The following RPTOR variants were observed in gnomAD, a reference collection of about 807,000 sequenced individuals.
RPTOR encodes regulatory-associated protein of mTOR.
In RPTOR, 21 loss-of-function variants were observed where a neutral mutation model predicts 169.9. The observed-to-expected ratio is 0.12, with a 90% CI of 0.09 to 0.18. The LOEUF (loss-of-function observed/expected upper bound fraction) is 0.18, where lower values mean the gene tolerates loss of function less well. RPTOR is among the 10% of genes least tolerant of loss of function. RPTOR has a pLI of 1.00. For missense variants in RPTOR, 1,133 were observed against 1,855.9 expected (o/e 0.61, Z 7.16); for synonymous variants, 732 against 753.2 (o/e 0.97, Z 0.46).
At chr17:80,623,867 T>A (rs1488384863) in intron 1 of RPTOR, among the ~76,000 whole-genome samples, 1 of 152,078 alleles carries the variant, frequency 6.6e-6, no homozygotes, top group Admixed American at 6.6e-5. Context: ...ACATTCGAAT[T>A]ATTTTCTTTA....
intron 5 of RPTOR, among the ~76,000 whole-genome samples, chr17:80,738,203 C>T (rs892194067): frequency 2.6e-5 from 4 of 152,216 alleles, no homozygotes; most frequent in Non-Finnish European, 5.9e-5. Context: ...AGCCCGGCCC[C>T]GTGTACCTGG....
intron 23 of RPTOR, among the ~76,000 whole-genome samples, chr17:80,925,154 C>T (rs898271232): frequency 6.6e-6 from 1 of 152,220 alleles, no homozygotes; most frequent in East Asian, 1.9e-4. Context: ...GTGGCTCACA[C>T]TTCACAGCCC....
At chr17:80,598,328 C>T (rs2143436043) in intron 1 of RPTOR, among the ~76,000 whole-genome samples, 1 of 152,226 alleles carries the variant, frequency 6.6e-6, no homozygotes, top group Middle Eastern at 3.4e-3. Flanking sequence ...ATTAATGGCT[C>T]TGACAACTTA....
At chr17:80,849,797 C>A (rs1045974273) in intron 11 of RPTOR, among the ~76,000 whole-genome samples, 2 of 152,192 alleles carry the variant, frequency 1.3e-5, no homozygotes, top group African/African-American at 4.8e-5. Flanking sequence ...GGATTACAGG[C>A]GTGAACGACC....
At position 80,754,973 on chromosome 17, in the gene RPTOR, T is replaced by C. The variant is rs182513787; in HGVS notation, c.830+788T>C. On this transcript the variant is annotated intron_variant, in intron 6 of 33. Transcript: ENST00000306801. This position sits in a 1 kb window ranked among gnomAD's most constrained non-coding sequence, Gnocchi z 4.2. ...GGCTTCTGTCAAGATGGCCTAACAC[T>C]CTAGACAAGTCTCCTGCCTTCTCAC... Among the ~76,000 whole-genome samples, 2 of 152,070 alleles carry C rather than the reference T, an allele frequency of 1.3e-5. No individual in the cohort carries two copies. The highest frequency in any genetic ancestry group is 4.8e-5 in the African/African-American group (2 of 41,400).
In RPTOR at chr17:80,545,527, C is replaced by A; in HGVS notation, c.-103C>A. ...TTTATCCATTTGGTTTTCGATTTCC[C>A]GTTTTTGTTTCTTATTTCACCAATT... On this transcript the variant is annotated 5_prime_UTR_variant, in exon 1 of 34. Coordinates refer to ENST00000306801, the MANE Select transcript of RPTOR (RefSeq NM_020761.3). 1 of 914,418 alleles carries A rather than the reference C, an allele frequency of 1.1e-6. No individual in the cohort carries two copies. The highest frequency in any genetic ancestry group is 1.7e-6 in the Non-Finnish European group (1 of 596,284). 56.6% of individuals were successfully genotyped at this position (914,418 alleles called of 1,614,324 possible).
intron 5 of RPTOR, among the ~76,000 whole-genome samples, chr17:80,741,539 T>G (rs1258207416): frequency 6.6e-6 from 1 of 152,144 alleles, no homozygotes; most frequent in Non-Finnish European, 1.5e-5. Context: ...AGGAGGACCA[T>G]GAGGCTGGAG....
intron 3 of RPTOR, among the ~76,000 whole-genome samples, chr17:80,650,052 A>G (rs2065627924): frequency 6.6e-6 from 1 of 152,264 alleles, no homozygotes. Context: ...CGAATACCTT[A>G]GTGACATGAC....
At chr17:80,912,194 G>A (rs1431377252) in intron 21 of RPTOR, among the ~76,000 whole-genome samples, 1 of 152,156 alleles carries the variant, frequency 6.6e-6, no homozygotes, top group Non-Finnish European at 1.5e-5. Flanking sequence ...TAGAATTGAT[G>A]GCCAGTTCGC....
At chr17:80,546,845 G>T (rs766112282) in intron 1 of RPTOR, among the ~76,000 whole-genome samples, 1 of 152,152 alleles carries the variant, frequency 6.6e-6, no homozygotes, top group Non-Finnish European at 1.5e-5. Flanking sequence ...AAGGCAGGCG[G>T]ATCACCTGAG....
intron 7 of RPTOR, among the ~76,000 whole-genome samples, chr17:80,816,160 C>A (rs1398165228): frequency 6.6e-6 from 1 of 152,216 alleles, no homozygotes; most frequent in African/African-American, 2.4e-5. Flanking sequence ...AGTGGAGAAC[C>A]TTGTATGTTT....
intron 10 of RPTOR, among the ~76,000 whole-genome samples, chr17:80,841,832 G>A (rs71389774): frequency 9.0e-5 from 10 of 110,646 alleles, no homozygotes; most frequent in Middle Eastern, 6.3e-3. Context: ...CACTCTCACC[G>A]CACGGCAGCT....
At position 80,947,128 on chromosome 17, in the gene RPTOR, T is replaced by C. The variant is rs2069113702; in HGVS notation, c.3141-99T>C. On this transcript the variant is annotated intron_variant, in intron 26 of 33. Transcript: ENST00000306801. The surrounding 1 kb of genome is among the most constrained non-coding windows in gnomAD (Gnocchi z 4.4). ...CGCCGTGCCCGGCTGTGGTGTGTGG[T>C]TTTTTGATAGCAGCCCGGTGGGTTT... The C allele has an allele frequency of 1.6e-6, 2 of 1,256,382 alleles. No homozygotes were observed. Among genetic ancestry groups the C allele is most frequent in the East Asian group, 5.9e-5 (2 of 33,878 alleles). 77.8% of individuals were successfully genotyped at this position (1,256,382 alleles called of 1,614,324 possible).
At position 80,960,438 on chromosome 17, in the gene RPTOR, A is replaced by G. The variant is rs117004772; in HGVS notation, c.3605+233A>G. The stretch of plus-strand genomic sequence containing the variant: ...CCCACAGAGGTCCACCCCACAGCCT[A>G]TGGAGGAGCACAGGGGACAGGCCAT... On this transcript the variant is annotated intron_variant, in intron 30 of 33. Coordinates refer to ENST00000306801, the MANE Select transcript of RPTOR (RefSeq NM_020761.3). The surrounding 1 kb of genome is among the most constrained non-coding windows in gnomAD (Gnocchi z 4.8). 1.4e-4 allele frequency among the ~76,000 whole-genome samples: 21 copies of G among 152,326 alleles called. No individual in the cohort carries two copies. In the East Asian group the frequency reaches 3.5e-3, roughly 25 times the overall value.
intron 21 of RPTOR, among the ~76,000 whole-genome samples, chr17:80,916,169 T>A (rs889612547): frequency 6.6e-6 from 1 of 152,098 alleles, no homozygotes; most frequent in African/African-American, 2.4e-5. Flanking sequence ...ACTTTGCAGA[T>A]GACAAGAAGG....
At position 80,845,170 on chromosome 17, in the gene RPTOR, C is replaced by T. The variant is rs2067714267; in HGVS notation, c.1213-1303C>T. On this transcript the variant is annotated intron_variant, in intron 10 of 33. Coordinates refer to ENST00000306801, the MANE Select transcript of RPTOR (RefSeq NM_020761.3). The surrounding 1 kb of genome is among the most constrained non-coding windows in gnomAD (Gnocchi z 5.4). Reference sequence around the variant, plus strand: ...AGCCGCAGGCCCAGCAGCCCTGCTGCCCACCTGCTCCATGGCACCCAGGCG... The same window carrying T: ...AGCCGCAGGCCCAGCAGCCCTGCTGTCCACCTGCTCCATGGCACCCAGGCG... Among the ~76,000 whole-genome samples the T allele has an allele frequency of 6.6e-6, 1 of 151,866 alleles. No homozygotes were observed. The highest frequency in any genetic ancestry group is 1.5e-5 in the Non-Finnish European group (1 of 67,924).
chr17:80,918,097 A>T (rs57176365), intron 21 of RPTOR, among the ~76,000 whole-genome samples: 2,129 of 152,310 alleles, frequency 0.014, 52 homozygotes, highest in African/African-American at 0.049. Flanking sequence ...CACATGTCAC[A>T]CCTATGGCTT....
At chr17:80,637,884 G>A (rs1289244364) in intron 2 of RPTOR, among the ~76,000 whole-genome samples, 1 of 152,274 alleles carries the variant, frequency 6.6e-6, no homozygotes, top group Non-Finnish European at 1.5e-5. Flanking sequence ...GCCCTTGGCG[G>A]CGGCTCGTGG....
At chr17:80,608,942 A>T (rs761722914) in intron 1 of RPTOR, among the ~76,000 whole-genome samples, 1 of 152,164 alleles carries the variant, frequency 6.6e-6, no homozygotes, top group South Asian at 2.1e-4. Flanking sequence ...TGCTGACCCA[A>T]TGTGAGAGTC....
Sources: allele counts gnomAD v4.1 joint callset (sites outside exome capture counted in the v4.1 genomes callset), GRCh38; gene constraint gnomAD v4.1.1; non-coding constraint Gnocchi (gnomAD v3.1); transcripts MANE v1.5; gene names NCBI Gene and HGNC (gene_info 2026-07-23, HGNC 2026-07-21).